The following NWD2 variants were observed in gnomAD, a reference collection of about 807,000 sequenced individuals.
NWD2 encodes the protein NACHT and WD repeat domain containing 2.
In NWD2, 37 loss-of-function variants were observed where a neutral mutation model predicts 132.7. That is an observed-to-expected ratio of 0.28 (90% CI 0.21 to 0.37). The LOEUF is 0.37. Ranked by LOEUF, NWD2 falls within the 10% of genes least tolerant of loss-of-function variation. The pLI, the probability that NWD2 is intolerant of heterozygous loss-of-function variation, is 1.00. For synonymous variants in NWD2, 705 were observed against 803.0 expected (o/e 0.88, Z 2.06); for missense variants, 1,592 against 2,122.4 (o/e 0.75, Z 4.91).
chr4:37,255,331 C>A (rs1482513694), intron 1 of NWD2, among the ~76,000 whole-genome samples: 1 of 152,150 alleles, frequency 6.6e-6, no homozygotes, highest in Admixed American at 6.5e-5. Context: ...TGAGAAGGAT[C>A]AGACCTAAAA....
In NWD2 at chr4:37,282,902, A is replaced by G. The variant is rs73807471; in HGVS notation, c.151+37684A>G. 4.6e-3 allele frequency among the ~76,000 whole-genome samples: 704 copies of G among 152,328 alleles called. 8 individuals are homozygous for G. Among genetic ancestry groups the G allele is most frequent in the African/African-American group, 0.016 (677 of 41,582 alleles). On this transcript the variant is annotated intron_variant, in intron 1 of 6. Coordinates refer to ENST00000309447, the MANE Select transcript of NWD2 (RefSeq NM_001144990.2). Reference sequence around the variant, plus strand: ...GTAATTATAACAGGTACTGTTTATAACACCCAGGACCTTGCATGATTACTA... The same window carrying G: ...GTAATTATAACAGGTACTGTTTATAGCACCCAGGACCTTGCATGATTACTA...
At chr4:37,365,373 C>G (rs180918836) in intron 3 of NWD2, among the ~76,000 whole-genome samples, 102 of 152,232 alleles carry the variant, frequency 6.7e-4, no homozygotes, top group African/African-American at 2.2e-3. Context: ...TTTATAAGTA[C>G]AGTTCTACCA....
chr4:37,263,667 GAGTAGA>G (rs140408713), intron 1 of NWD2, among the ~76,000 whole-genome samples: 14,366 of 151,692 alleles, frequency 0.095, 717 homozygotes, highest in African/African-American at 0.1. Context: ...TGATGATTTA[GAGTAGA>G]AGTAGAATTA....
rs112294136 is a variant in NWD2, at chr4:37,286,682, T to C, written c.152-39254T>C. ...TACTTAGCAACTGTGAGTTTCCTCA[T>C]GTGTAAAATAGAGATCATGATACCT... On this transcript the variant is annotated intron_variant, in intron 1 of 6. Coordinates refer to ENST00000309447, the MANE Select transcript of NWD2 (RefSeq NM_001144990.2). Among the ~76,000 whole-genome samples, 30 of 152,300 alleles carry C rather than the reference T, an allele frequency of 2.0e-4. 1 individual carries two copies. The highest frequency in any genetic ancestry group is 6.7e-4 in the African/African-American group (28 of 41,562).
chr4:37,326,182 A>C (rs1719169352), intron 2 of NWD2, among the ~76,000 whole-genome samples, 158 bp downstream of exon 2: 1 of 152,188 alleles, frequency 6.6e-6, no homozygotes, highest in Non-Finnish European at 1.5e-5. Context: ...AATGGAAATA[A>C]AGTATTTCAT....
At chr4:37,311,962 G>C (rs1490236592) in intron 1 of NWD2, among the ~76,000 whole-genome samples, 1 of 151,228 alleles carries the variant, frequency 6.6e-6, no homozygotes, top group African/African-American at 2.5e-5. Flanking sequence ...TATTTCTGAG[G>C]GCTCTGCTCT....
intron 3 of NWD2, among the ~76,000 whole-genome samples, chr4:37,405,666 A>G (rs1720989507): frequency 6.6e-6 from 1 of 152,202 alleles, no homozygotes; most frequent in African/African-American, 2.4e-5. Flanking sequence ...TCCTTGCTGT[A>G]GGTCTCAGTC....
chr4:37,347,659 C>G (rs1339069936), intron 2 of NWD2, among the ~76,000 whole-genome samples: 1 of 152,094 alleles, frequency 6.6e-6, no homozygotes, highest in Admixed American at 6.6e-5. Context: ...ATTGTTATCC[C>G]TGTTACAGCT....
chr4:37,310,262 A>C (rs1356408844), intron 1 of NWD2, among the ~76,000 whole-genome samples: 5 of 152,182 alleles, frequency 3.3e-5, no homozygotes, highest in African/African-American at 1.2e-4. Flanking sequence ...ATTTAGTTTT[A>C]TTCTAGCTAT....
chr4:37,371,301 C>T (rs1467294110), intron 3 of NWD2, among the ~76,000 whole-genome samples: 1 of 151,954 alleles, frequency 6.6e-6, no homozygotes, highest in Non-Finnish European at 1.5e-5. Flanking sequence ...GTCTCGAACT[C>T]CTGACCTCAG....
At chr4:37,409,528 T>C (rs892811547) in intron 3 of NWD2, among the ~76,000 whole-genome samples, 2 of 152,058 alleles carry the variant, frequency 1.3e-5, no homozygotes, top group Non-Finnish European at 2.9e-5. Flanking sequence ...CAAATCTACG[T>C]GTGATTGGTG....
chr4:37,397,033 CAA>C (rs11298140), intron 3 of NWD2, among the ~76,000 whole-genome samples: 13 of 149,262 alleles, frequency 8.7e-5, no homozygotes, highest in East Asian at 2.0e-4. Context: ...AACTCTGTTG[CAA>C]AAAAAAAAAG....
intron 1 of NWD2, among the ~76,000 whole-genome samples, chr4:37,266,104 C>A (rs1309291974): frequency 6.6e-6 from 1 of 152,050 alleles, no homozygotes; most frequent in African/African-American, 2.4e-5. Context: ...TCTTTTGTAA[C>A]CTCTTCACTT....
intron 3 of NWD2, among the ~76,000 whole-genome samples, chr4:37,363,046 T>C (rs981422020): frequency 2.0e-5 from 3 of 151,936 alleles, no homozygotes; most frequent in Non-Finnish European, 4.4e-5. Context: ...CACAAACGTA[T>C]GAAAAAAATG....
intron 3 of NWD2, among the ~76,000 whole-genome samples, chr4:37,383,477 C>A (rs1422019184): frequency 6.6e-6 from 1 of 152,164 alleles, no homozygotes; most frequent in Non-Finnish European, 1.5e-5. Flanking sequence ...AGAACCTAAA[C>A]CTGAACTGCT....
chr4:37,357,426 G>A lies in NWD2; in HGVS notation c.357+944G>A, dbSNP rs993145855. ...ATATCACAAATCTGACCAGCTGATG[G>A]TAAATTTCTTACCCAGGCTAGTAAA... On this transcript the variant is annotated intron_variant, in intron 3 of 6. Coordinates refer to ENST00000309447, the MANE Select transcript of NWD2 (RefSeq NM_001144990.2). Among the ~76,000 whole-genome samples, 6 of 152,168 alleles carry A rather than the reference G, an allele frequency of 3.9e-5. No homozygotes were observed. The South Asian group carries it at 8.3e-4, about 21-fold the overall frequency.
intron 3 of NWD2, among the ~76,000 whole-genome samples, chr4:37,368,756 T>C (rs1431420221): frequency 3.9e-5 from 6 of 152,110 alleles, no homozygotes; most frequent in African/African-American, 1.4e-4. Flanking sequence ...ATAGGGTTAG[T>C]GACAGGGCAT....
chr4:37,436,436 A>G (rs934752227), intron 5 of NWD2, among the ~76,000 whole-genome samples: 2 of 152,172 alleles, frequency 1.3e-5, no homozygotes, highest in African/African-American at 4.8e-5. Context: ...ATACCATACC[A>G]GGCATTCTGT....
At chr4:37,268,996 G>A (rs1717816303) in intron 1 of NWD2, among the ~76,000 whole-genome samples, 1 of 151,910 alleles carries the variant, frequency 6.6e-6, no homozygotes, top group African/African-American at 2.4e-5. Context: ...CTTTAGCCAA[G>A]TAAGGTCAGT....
Sources: allele counts gnomAD v4.1 joint callset (sites outside exome capture counted in the v4.1 genomes callset), GRCh38; gene constraint gnomAD v4.1.1; transcripts MANE v1.5; gene names NCBI Gene and HGNC (gene_info 2026-07-23, HGNC 2026-07-21).